CTSC: variants seen among roughly 807,000 people sequenced by gnomAD.
CTSC encodes dipeptidyl peptidase 1.
In CTSC, 37 loss-of-function variants were observed where a neutral mutation model predicts 40.9. The observed-to-expected ratio is 0.91, with a 90% confidence interval of 0.70 to 1.19. The LOEUF (loss-of-function observed/expected upper bound fraction) is 1.19, where lower values mean the gene tolerates loss of function less well. Ranked by LOEUF, CTSC falls within the 50% of genes most tolerant of loss-of-function variation. The pLI, the probability that CTSC is intolerant of heterozygous loss-of-function variation, is 0.00. For missense variants in CTSC, 594 were observed against 567.3 expected (o/e 1.05, Z -0.48); for synonymous variants, 232 against 207.4 (o/e 1.12, Z -1.02).
intron 3 of CTSC, among the ~76,000 whole-genome samples, chr11:88,309,812 GCGCACACACACACACA>G (rs1472092673): frequency 9.3e-6 from 1 of 107,994 alleles, no homozygotes; most frequent in Admixed American, 8.9e-5. Flanking sequence ...ATATGTATGC[GCGCACACACACACACA>G]CACACACACA....
At position 88,294,098 on chromosome 11, in the gene CTSC, C is replaced by T; in HGVS notation, c.1300G>A (p.Gly434Ser). The T allele has an allele frequency of 6.2e-7, 1 of 1,613,948 alleles. No individual in the cohort carries two copies. The highest frequency in any genetic ancestry group is 8.5e-7 in the Non-Finnish European group (1 of 1,179,976). Residue 434 changes from glycine to serine, a missense_variant, in exon 7 of 7, where the codon GGT becomes AGT. Coordinates refer to ENST00000227266, the MANE Select transcript of CTSC (RefSeq NM_001814.6). Reference protein sequence around the residue: ...IVKNSWGTGWGENGYFRIRRG... With the variant: ...IVKNSWGTGWSENGYFRIRRG... ...CGGATCCGGAAGTAGCCATTCTCAC[C>T]CCAGCCGGTGCCCCAGCTGTTTTTA... is the stretch of plus-strand genomic sequence containing the variant.
chr11:88,312,387 C>T lies in CTSC; in HGVS notation c.485+1G>A. ...CGTATGTCTCATTTGTAGCAACTCA[C>T]TTTTCCTGAGAATTCTTAAGGTGTG... is the stretch of plus-strand genomic sequence containing the variant. On this transcript the variant is annotated splice_donor_variant, in intron 3 of 6. Transcript: ENST00000227266. LOFTEE classifies it high-confidence loss of function. The T allele has an allele frequency of 6.2e-7, 1 of 1,613,922 alleles. No individual in the cohort carries two copies. Among genetic ancestry groups the T allele is most frequent in the Non-Finnish European group, 8.5e-7 (1 of 1,179,780 alleles).
At chr11:88,300,784 A>G in intron 4 of CTSC, 139 bp from the exon 5 acceptor site, 1 of 670,842 alleles carries the variant, frequency 1.5e-6, no homozygotes. Context: ...CTGTTTTATG[A>G]GTGATTCAAT....
At chr11:88,331,637 G>A (rs1388115507) in intron 2 of CTSC, among the ~76,000 whole-genome samples, 1 of 152,050 alleles carries the variant, frequency 6.6e-6, no homozygotes, top group African/African-American at 2.4e-5. Context: ...TTTATGGAGC[G>A]TTCATTGAAT....
intron 4 of CTSC, among the ~76,000 whole-genome samples, chr11:88,307,614 T>TA (rs1234125019): frequency 4.7e-5 from 7 of 148,660 alleles, no homozygotes; most frequent in African/African-American, 2.5e-5. Flanking sequence ...GATTTTGAGA[T>TA]TTTTTTTTAG....
chr11:88,315,128 T>A (rs1324558415), intron 2 of CTSC, among the ~76,000 whole-genome samples: 1 of 152,200 alleles, frequency 6.6e-6, no homozygotes, highest in East Asian at 1.9e-4. Flanking sequence ...ATTATGTACT[T>A]CTCTCTGGCA....
chr11:88,330,551 G>T (rs1179174474), intron 2 of CTSC, among the ~76,000 whole-genome samples: 1 of 151,928 alleles, frequency 6.6e-6, no homozygotes, highest in African/African-American at 2.4e-5. Context: ...GTTTCTTCAT[G>T]TTGGCCAGAC....
intron 2 of CTSC, chr11:88,325,172 A>G: frequency 1.0e-6 from 1 of 984,616 alleles, no homozygotes; most frequent in Non-Finnish European, 1.2e-6. Flanking sequence ...TCAGTTGAAC[A>G]ATACTGTAAT....
At chr11:88,326,706 GA>G (rs1938202695) in intron 2 of CTSC, among the ~76,000 whole-genome samples, 1 of 152,080 alleles carries the variant, frequency 6.6e-6, no homozygotes, top group African/African-American at 2.4e-5. Flanking sequence ...TGAAAAAAAC[GA>G]ATATGTTTCT....
At chr11:88,323,213 T>G (rs1364066272) in intron 2 of CTSC, 2 of 152,152 alleles carry the variant, frequency 1.3e-5, no homozygotes, top group Admixed American at 1.3e-4. Context: ...TTCGATACAA[T>G]TCAACATCGC....
chr11:88,298,664 C>T (rs1280119220), intron 5 of CTSC: 1 of 152,170 alleles, frequency 6.6e-6, no homozygotes, highest in Non-Finnish European at 1.5e-5. Flanking sequence ...ATTATTTTCT[C>T]AAGTACCTGA....
chr11:88,302,078 A>G lies in CTSC; in HGVS notation c.642-1433T>C, dbSNP rs371266215. 3.3e-5 allele frequency among the ~76,000 whole-genome samples: 5 copies of G among 152,002 alleles called. 1 individual carries two copies. The East Asian group carries it at 9.6e-4, about 29-fold the overall frequency. ...CTTCCTCTCTCTCTCTGCTCCTTCA[A>G]ATTTGTTTTTAGGGCACTAGTCACA... is the stretch of plus-strand genomic sequence containing the variant. On this transcript the variant is annotated intron_variant, in intron 4 of 6. Coordinates refer to ENST00000227266, the MANE Select transcript of CTSC (RefSeq NM_001814.6).
chr11:88,312,446 C>G lies in CTSC; in HGVS notation c.427G>C (p.Gly143Arg), dbSNP rs374022619. The change falls in exon 3 of 7, where the codon GGA becomes CGA. Residue 143 changes from glycine to arginine, a missense_variant. Transcript: ENST00000227266. ...NWACFTGKKV[G>R]TASENVYVNI... ...ACATACACATTCTCAGAGGCAGTTC[C>G]CACCTTCTTTCCGGTGAAACAAGCC... 1.2e-5 allele frequency: 20 copies of G among 1,614,004 alleles called. No individual in the cohort carries two copies. The African/African-American group carries it at 2.7e-4, about 22-fold the overall frequency.
intron 3 of CTSC, 94 bp downstream of exon 3, chr11:88,312,294 T>C: frequency 1.7e-6 from 2 of 1,205,356 alleles, no homozygotes; most frequent in Non-Finnish European, 2.4e-6. Flanking sequence ...CAAAGATATT[T>C]TGTATAATCA....
chr11:88,296,725 T>A (rs11019224), intron 5 of CTSC: 100,199 of 237,616 alleles, frequency 0.42, 22,972 homozygotes, highest in Non-Finnish European at 0.49. Flanking sequence ...AAAACCCCAA[T>A]CCCAAAAGTG....
chr11:88,317,916 T>C (rs1325344535), intron 2 of CTSC, among the ~76,000 whole-genome samples: 1 of 152,234 alleles, frequency 6.6e-6, no homozygotes, highest in Non-Finnish European at 1.5e-5. Context: ...TCAATAACTA[T>C]CCATTTGCTT....
chr11:88,336,554 A>G lies in CTSC; in HGVS notation c.172+947T>C, dbSNP rs1182700267. ...ACTCCATTCTCAAAAAAAAAAAAAA[A>G]AAAGTTACAATGTTCAGGATTATGA... On this transcript the variant is annotated intron_variant, in intron 1 of 6. Transcript: ENST00000227266. Among the ~76,000 whole-genome samples the G allele has an allele frequency of 5.6e-4, 86 of 152,218 alleles. 3 individuals are homozygous for G. Among genetic ancestry groups the G allele is most frequent in the Admixed American group, 5.6e-3 (86 of 15,278 alleles).
At chr11:88,309,596 C>T (rs1434838751) in intron 3 of CTSC, among the ~76,000 whole-genome samples, 2 of 151,944 alleles carry the variant, frequency 1.3e-5, no homozygotes, top group East Asian at 3.8e-4. Flanking sequence ...AGATAAGGGA[C>T]TGATTAATGA....
At chr11:88,300,427 C>G (rs1167065474) in intron 5 of CTSC, 103 bp downstream of exon 5, 1 of 736,906 alleles carries the variant, frequency 1.4e-6, no homozygotes, top group East Asian at 2.6e-5. Context: ...AAAAGGGGAT[C>G]ATGCCCATTC....
Sources: allele counts gnomAD v4.1 joint callset (sites outside exome capture counted in the v4.1 genomes callset), GRCh38; gene constraint gnomAD v4.1.1; transcripts MANE v1.5; gene names NCBI Gene and HGNC (gene_info 2026-07-23, HGNC 2026-07-21).